The following PLEKHG5 variants were observed in gnomAD, a reference collection of about 807,000 sequenced individuals.
The protein encoded by PLEKHG5 is pleckstrin homology and RhoGEF domain containing G5, also known as pleckstrin homology domain-containing family G member 5.
Under a neutral mutation model 103.8 loss-of-function variants are expected in PLEKHG5, and 52 were observed. The ratio of observed to expected loss-of-function variants is 0.50; its 90% confidence interval spans 0.40 to 0.63. The LOEUF (loss-of-function observed/expected upper bound fraction) is 0.63, where lower values mean the gene tolerates loss of function less well. PLEKHG5 is among the 30% of genes least tolerant of loss of function. The pLI, the probability that PLEKHG5 is intolerant of heterozygous loss-of-function variation, is 0.00. For missense variants in PLEKHG5, 1,205 were observed against 1,347.6 expected (o/e 0.89, Z 1.66); for synonymous variants, 592 against 575.5 (o/e 1.03, Z -0.41).
rs1456637572 is a variant in PLEKHG5 at position 6,487,649 on chromosome 1, T to C, written c.-88+3988A>G. On this transcript the variant is annotated intron_variant, in intron 1 of 20. Coordinates refer to ENST00000377728, the MANE Select transcript of PLEKHG5 (RefSeq NM_020631.6). This position sits in a 1 kb window ranked among gnomAD's most constrained non-coding sequence, Gnocchi z 4.1. ...CGGGCCCCAACTTAAATGTTACCTC[T>C]AAGACGTCCTTTTCCCTCATCTTAA... Among the ~76,000 whole-genome samples the C allele has an allele frequency of 2.6e-5, 4 of 152,192 alleles. No individual in the cohort carries two copies. The highest frequency in any genetic ancestry group is 5.9e-5 in the Non-Finnish European group (4 of 68,024).
At chr1:6,471,452 C>T in intron 12 of PLEKHG5, 36 bp downstream of exon 12, 1 of 1,597,686 alleles carries the variant, frequency 6.3e-7, no homozygotes, top group South Asian at 1.1e-5. Flanking sequence ...CCAGCCCTGC[C>T]TCAGTGCCCC....
chr1:6,498,772 C>G (rs959342577), upstream of PLEKHG5, among the ~76,000 whole-genome samples: 4 of 152,228 alleles, frequency 2.6e-5, no homozygotes, highest in African/African-American at 9.6e-5. Flanking sequence ...CCAGCCTCAC[C>G]CCCACACTGT....
At chr1:6,468,902 T>G in intron 19 of PLEKHG5, 140 bp downstream of exon 19, 1 of 788,670 alleles carries the variant, frequency 1.3e-6, no homozygotes, top group Non-Finnish European at 2.2e-6. Context: ...ACCCGGACTC[T>G]GGGGGAGACA....
At chr1:6,510,083 C>T (rs1437871444) in intron 1 of PLEKHG5, among the ~76,000 whole-genome samples, 2 of 152,188 alleles carry the variant, frequency 1.3e-5, no homozygotes, top group Non-Finnish European at 1.5e-5. Context: ...CATGCGGGGC[C>T]GCCATGCCCA....
At chr1:6,482,448 T>G (rs1644927797) in intron 1 of PLEKHG5, among the ~76,000 whole-genome samples, 1 of 151,944 alleles carries the variant, frequency 6.6e-6, no homozygotes, top group South Asian at 2.1e-4. Flanking sequence ...GCAGAGAAAG[T>G]GACAGGAGGG....
Position 6,468,220 on chromosome 1 carries a change from G to A in PLEKHG5, c.2616C>T (p.His872=). The change falls in exon 20 of 21, where the codon CAC becomes CAT. Residue 872 remains histidine, a synonymous_variant. Transcript: ENST00000377728. Reference sequence around the variant, plus strand: ...TGGCCTCGGACTTAGACTTGAGCAGGTGGGGCGGGCAGCTCAACAGCTGGA... The same window carrying A: ...TGGCCTCGGACTTAGACTTGAGCAGATGGGGCGGGCAGCTCAACAGCTGGA... ...TPVQLLSCPP[H]LLKSKSEASL... is the part of the protein sequence containing the mutation. The A allele has an allele frequency of 6.3e-7, 1 of 1,588,886 alleles. No individual in the cohort carries two copies. Among genetic ancestry groups the A allele is most frequent in the East Asian group, 2.2e-5 (1 of 44,532 alleles).
At position 6,474,523 on chromosome 1, in the gene PLEKHG5, C is replaced by G; in HGVS notation, c.367G>C (p.Asp123His). The change falls in exon 6 of 21, where the codon GAC (aspartate) becomes CAC (histidine). Residue 123 changes from aspartate (D) to histidine (H), a missense_variant. Asp to His is a moderately conservative substitution (Grantham distance 81). Transcript: ENST00000377728. ...AGGGACAGGGGTGTGTTGGACTGGT[C>G]CAGGTAGATGTCCACTTTGCCCAGC... is the stretch of plus-strand genomic sequence containing the variant. Reference protein sequence around the residue: ...IALGKVDIYLDQSNTPLSLTF... With the variant: ...IALGKVDIYLHQSNTPLSLTF... 2.5e-6 allele frequency: 4 copies of G among 1,613,852 alleles called. No homozygotes were observed. Among genetic ancestry groups the G allele is most frequent in the Non-Finnish European group, 3.4e-6 (4 of 1,179,858 alleles).
chr1:6,490,305 G>A lies in PLEKHG5; in HGVS notation c.-88+1332C>T. On this transcript the variant is annotated intron_variant, in intron 1 of 20. Coordinates refer to ENST00000377728, the MANE Select transcript of PLEKHG5 (RefSeq NM_020631.6). The surrounding 1 kb of genome is among the most constrained non-coding windows in gnomAD (Gnocchi z 8.0). ...CCCTCACGTAAATGGAGATACAGCT[G>A]GTGAGGACCCTGTACCCACCCACAG... is the stretch of plus-strand genomic sequence containing the variant. 8.4e-6 allele frequency: 2 copies of A among 238,002 alleles called. No individual in the cohort carries two copies. Among genetic ancestry groups the A allele is most frequent in the Non-Finnish European group, 1.4e-5 (2 of 147,100 alleles). The allele number at this position is 238,002 out of a possible 1,614,324, so 14.7% of individuals were successfully genotyped here. A position where few individuals can be genotyped will look rare whatever the true frequency, so the allele number is the denominator to read the frequency against.
chr1:6,496,839 G>C, upstream of PLEKHG5: 1 of 619,708 alleles, frequency 1.6e-6, no homozygotes, highest in Non-Finnish European at 2.7e-6. Context: ...TGTCCCTCTA[G>C]TCTGGGGGAC....
In PLEKHG5 at chr1:6,471,801, A is replaced by T; in HGVS notation, c.1088T>A (p.Leu363Gln). The T allele has an allele frequency of 1.2e-6, 2 of 1,608,678 alleles. No homozygotes were observed. The highest frequency in any genetic ancestry group is 2.2e-5 in the East Asian group (1 of 44,790). The part of the protein sequence containing the change: ...RKLRVIINLF[L>Q]CCLLNLQESG... Reference sequence around the variant, plus strand: ...CTCTTGCAGGTTCAGGAGGCAGCACAGGAACAGCTGTGGGATCAGGGGATG... The same window carrying T: ...CTCTTGCAGGTTCAGGAGGCAGCACTGGAACAGCTGTGGGATCAGGGGATG... The change falls in exon 11 of 21, where the codon CTG becomes CAG. Residue 363 changes from leucine to glutamine, a missense_variant. Leu to Gln is a moderately radical substitution (Grantham distance 113). Transcript: ENST00000377728.
In PLEKHG5 at chr1:6,472,587, C is replaced by A; in HGVS notation, c.1020G>T (p.Ala340=). The A allele has an allele frequency of 6.2e-7, 1 of 1,613,486 alleles. No individual in the cohort carries two copies. The highest frequency in any genetic ancestry group is 8.5e-7 in the Non-Finnish European group (1 of 1,179,804). ...LTRRQCHQQE[A]VWELLHTEAS... ...CCTCCGTGTGCAGCAGCTCCCACAC[C>A]GCCTCCTGCTGGTGGCACTGCCGCC... The change falls in exon 10 of 21, where the codon GCG becomes GCT. Residue 340 remains alanine, a synonymous_variant. Transcript: ENST00000377728.
intron 1 of PLEKHG5, among the ~76,000 whole-genome samples, chr1:6,508,974 C>T (rs1638402951): frequency 6.6e-6 from 1 of 152,250 alleles, no homozygotes; most frequent in South Asian, 2.1e-4. Context: ...CCTGGCCCTC[C>T]TCACCCACCT....
chr1:6,487,444 T>C lies in PLEKHG5; in HGVS notation c.-88+4193A>G, dbSNP rs903137891. Among the ~76,000 whole-genome samples, 1 of 152,194 alleles carries C rather than the reference T, an allele frequency of 6.6e-6. No homozygotes were observed. The highest frequency in any genetic ancestry group is 1.5e-5 in the Non-Finnish European group (1 of 68,036). ...CAGGCAGAGTTTTGAAAACTAAAACTTCCCATCTTGCTTATAGTGAAATCC... is the reference window on the plus strand; with the variant it reads ...CAGGCAGAGTTTTGAAAACTAAAACCTCCCATCTTGCTTATAGTGAAATCC... On this transcript the variant is annotated intron_variant, in intron 1 of 20. Transcript: ENST00000377728. The surrounding 1 kb of genome is among the most constrained non-coding windows in gnomAD (Gnocchi z 4.1).
intron 1 of PLEKHG5, chr1:6,485,711 T>A: frequency 1.7e-5 from 3 of 181,210 alleles, no homozygotes; most frequent in Non-Finnish European, 2.4e-5. Context: ...CCTCCCCGCC[T>A]CTGCCCAGAC....
chr1:6,496,880 G>T, upstream of PLEKHG5: 1 of 1,252,878 alleles, frequency 8.0e-7, no homozygotes, highest in Non-Finnish European at 1.1e-6. Context: ...ACCTTTTGGG[G>T]CCCCAGACTT....
In PLEKHG5 at chr1:6,490,513, C is replaced by A. The variant is rs1382685145; in HGVS notation, c.-88+1124G>T. The stretch of plus-strand genomic sequence containing the variant: ...AAGGCTCGGGCCGAGACTGCCAAAG[C>A]CTCATGGGGCGCGCGGGGAGAGGGG... On this transcript the variant is annotated intron_variant, in intron 1 of 20. Transcript: ENST00000377728. The surrounding 1 kb of genome is among the most constrained non-coding windows in gnomAD (Gnocchi z 8.0). 1.0e-6 allele frequency: 1 copy of A among 985,316 alleles called. No homozygotes were observed. The highest frequency in any genetic ancestry group is 1.1e-4 in the East Asian group (1 of 8,818). 61.0% of individuals were successfully genotyped at this position (985,316 alleles called of 1,614,324 possible).
chr1:6,507,394 C>T (rs1478472238), intron 1 of PLEKHG5, among the ~76,000 whole-genome samples: 1 of 152,182 alleles, frequency 6.6e-6, no homozygotes, highest in Non-Finnish European at 1.5e-5. Context: ...CATGGGGCAG[C>T]CCTTCAGAAA....
chr1:6,511,784 C>G (rs187860299), intron 1 of PLEKHG5, among the ~76,000 whole-genome samples: 215 of 152,326 alleles, frequency 1.4e-3, no homozygotes, highest in Middle Eastern at 6.8e-3. Flanking sequence ...GAGAGGCTGC[C>G]CCCAGCACTG....
chr1:6,503,688 G>A (rs1464362337), intron 1 of PLEKHG5, among the ~76,000 whole-genome samples: 1 of 152,174 alleles, frequency 6.6e-6, no homozygotes, highest in African/African-American at 2.4e-5. Context: ...GGGATTACAG[G>A]CATAAGCCAC....
Sources: allele counts gnomAD v4.1 joint callset (sites outside exome capture counted in the v4.1 genomes callset), GRCh38; gene constraint gnomAD v4.1.1; non-coding constraint Gnocchi (gnomAD v3.1); transcripts MANE v1.5; gene names NCBI Gene and HGNC (gene_info 2026-07-23, HGNC 2026-07-21).